The following MTERF3 variants were observed in gnomAD, a reference collection of about 807,000 sequenced individuals.
MTERF3 encodes mitochondrial transcription termination factor 3.
A neutral mutation model predicts 40.5 loss-of-function variants in MTERF3; 40 were observed. That is an observed-to-expected ratio of 0.99 (90% CI 0.77 to 1.29). MTERF3 has a LOEUF of 1.29. MTERF3 is among the 50% of genes most tolerant of loss of function. The probability of loss-of-function intolerance (pLI) is 0.00; values close to 1 mark genes in which losing one functional copy is unlikely to be tolerated. For synonymous variants in MTERF3, 158 were observed against 166.6 expected, an observed-to-expected ratio of 0.95 and a Z score of 0.40; for missense variants, 452 against 478.2, an observed-to-expected ratio of 0.95 and a Z score of 0.51.
At position 96,256,796 on chromosome 8, in the gene MTERF3, C is replaced by G. The variant is rs150725623; in HGVS notation, c.487+166G>C. On this transcript the variant is annotated intron_variant, in intron 3 of 7. Coordinates refer to ENST00000287025, the MANE Select transcript of MTERF3 (RefSeq NM_015942.5). ...ATCTGGGGAATAGGATGCAAGATCA[C>G]CAAGGATGAGGCAGGGAATACGGTT... 4.8e-3 allele frequency among the ~76,000 whole-genome samples: 733 copies of G among 152,234 alleles called. 3 individuals carry two copies. The highest frequency in any genetic ancestry group is 0.014 in the African/African-American group (588 of 41,526).
rs1480885586 is a variant in MTERF3 at position 96,259,910 on chromosome 8, A to ATTTTTTTT, written c.-10-1211_-10-1210insAAAAAAAA. ...GCAATTATTTATTATTATTATTATTATTATTTTTTTTGAGACGGAGTTTCG... is the reference window on the plus strand; with the variant it reads ...GCAATTATTTATTATTATTATTATTATTTTTTTTTTATTTTTTTTGAGACGGAGTTTCG... On this transcript the variant is annotated intron_variant, in intron 1 of 7. Coordinates refer to ENST00000287025, the MANE Select transcript of MTERF3 (RefSeq NM_015942.5). Among the ~76,000 whole-genome samples, 528 of 149,398 alleles carry ATTTTTTTT rather than the reference A, an allele frequency of 3.5e-3. 2 individuals carry two copies. Among genetic ancestry groups the ATTTTTTTT allele is most frequent in the African/African-American group, 0.01 (408 of 40,748 alleles).
In MTERF3 at chr8:96,244,005, C is replaced by A. The variant is rs755124734; in HGVS notation, c.973G>T (p.Ala325Ser). The part of the protein sequence containing the change: ...MITRIPKMLT[A>S]NKMKLTETFD... ...GTCTCGGTAAGTTTCATTTTATTTG[C>A]AGTTAACATCTTTGGGATTCTGGTG... Residue 325 changes from alanine to serine, a missense_variant, in exon 7 of 8, where the codon GCA becomes TCA. Coordinates refer to ENST00000287025, the MANE Select transcript of MTERF3 (RefSeq NM_015942.5). 6.2e-7 allele frequency: 1 copy of A among 1,613,878 alleles called. No homozygotes were observed. The highest frequency in any genetic ancestry group is 1.1e-5 in the South Asian group (1 of 91,064).
Position 96,250,908 on chromosome 8 carries a change from G to A in MTERF3, c.675C>T (p.Thr225=). ...GAGAATCCTTTTAAAAGTCCTACCT[G>A]GTCTTCAGATTTTCAAGGTCTTCAG... ...IFSEDLENLK[T]RVAYLHSKNF... is the part of the protein sequence containing the mutation. The change falls in exon 4 of 8, where the codon ACC becomes ACT. Residue 225 remains threonine, a splice_region_variant and synonymous_variant. Coordinates refer to ENST00000287025, the MANE Select transcript of MTERF3 (RefSeq NM_015942.5). 1.2e-6 allele frequency: 2 copies of A among 1,602,680 alleles called. No homozygotes were observed. The highest frequency in any genetic ancestry group is 1.7e-6 in the Non-Finnish European group (2 of 1,177,350).
rs749856275 is a variant in MTERF3 at position 96,258,599 on chromosome 8, G to A, written c.92C>T (p.Thr31Ile). Residue 31 changes from threonine to isoleucine, a missense_variant, in exon 2 of 8, where the codon ACT becomes ATT. Thr to Ile is a moderately conservative substitution (Grantham distance 89). Coordinates refer to ENST00000287025, the MANE Select transcript of MTERF3 (RefSeq NM_015942.5). The stretch of plus-strand genomic sequence containing the variant: ...ATGTAACAGTGTTCTTGCTGGTCTA[G>A]TAAAACGTTTTGTGAGTTGTGCAGC... ...INAAQLTKRF[T>I]RPARTLLHGF... 5 of 1,614,136 alleles carry A rather than the reference G, an allele frequency of 3.1e-6. No homozygotes were observed. The highest frequency in any genetic ancestry group is 4.2e-6 in the Non-Finnish European group (5 of 1,179,990).
At chr8:96,248,879 C>T (rs891141541) in intron 4 of MTERF3, among the ~76,000 whole-genome samples, 1 of 152,120 alleles carries the variant, frequency 6.6e-6, no homozygotes, top group Non-Finnish European at 1.5e-5. Flanking sequence ...AAACAAAGTT[C>T]ATTTAAATAA....
At chr8:96,250,867 ACTT>A (rs1455475142) in intron 4 of MTERF3, 36 bp downstream of exon 4, 1 of 1,531,134 alleles carries the variant, frequency 6.5e-7, no homozygotes, top group South Asian at 1.2e-5. Flanking sequence ...CTTCATAACC[ACTT>A]CTTAGGTTAT....
intron 4 of MTERF3, 132 bp from the exon 5 acceptor site, chr8:96,246,586 T>A: frequency 1.4e-6 from 1 of 716,788 alleles, no homozygotes; most frequent in Non-Finnish European, 2.1e-6. Context: ...ACTAACTAAA[T>A]AAAAGCATTC....
chr8:96,245,476 C>G (rs1166530794), intron 6 of MTERF3, among the ~76,000 whole-genome samples: 1 of 152,190 alleles, frequency 6.6e-6, no homozygotes, highest in African/African-American at 2.4e-5. Context: ...CTCCCTGAGA[C>G]ATACACAGAC....
At chr8:96,260,266 G>C (rs1810357980) in intron 1 of MTERF3, 1 of 152,168 alleles carries the variant, frequency 6.6e-6, no homozygotes, top group Admixed American at 6.5e-5. Context: ...GGTGGTTTCT[G>C]TTAGATTTTG....
At chr8:96,260,969 G>A (rs890434250) in intron 1 of MTERF3, among the ~76,000 whole-genome samples, 23 of 152,344 alleles carry the variant, frequency 1.5e-4, no homozygotes, top group African/African-American at 2.6e-4. Context: ...ATGTGCAGAT[G>A]TGTATAAAAG....
At position 96,258,421 on chromosome 8, in the gene MTERF3, G is replaced by A. The variant is rs778651658; in HGVS notation, c.270C>T (p.Ser90=). Reference sequence around the variant, plus strand: ...GTGTCTTCTGTGACTGTTCATTCATGGAAGGAAGCAGACTGCTTTGGGCAG... The same window carrying A: ...GTGTCTTCTGTGACTGTTCATTCATAGAAGGAAGCAGACTGCTTTGGGCAG... ...NNSAQSSLLP[S]MNEQSQKTQN... The change falls in exon 2 of 8, where the codon TCC becomes TCT. Residue 90 remains serine, a synonymous_variant. Coordinates refer to ENST00000287025, the MANE Select transcript of MTERF3 (RefSeq NM_015942.5). 6.2e-7 allele frequency: 1 copy of A among 1,614,102 alleles called. No individual in the cohort carries two copies. The highest frequency in any genetic ancestry group is 1.7e-5 in the Admixed American group (1 of 60,032).
intron 3 of MTERF3, among the ~76,000 whole-genome samples, chr8:96,253,463 C>G (rs1375851378): frequency 2.0e-5 from 3 of 152,044 alleles, no homozygotes; most frequent in African/African-American, 7.2e-5. Flanking sequence ...AGCCAGCTGG[C>G]ATAGGAGCCC....
At chr8:96,255,835 G>C (rs915253675) in intron 3 of MTERF3, among the ~76,000 whole-genome samples, 2 of 152,116 alleles carry the variant, frequency 1.3e-5, no homozygotes, top group Non-Finnish European at 2.9e-5. Flanking sequence ...TGAAAGCATG[G>C]CAACAGCCTT....
At chr8:96,254,745 A>T (rs1586171867) in intron 3 of MTERF3, among the ~76,000 whole-genome samples, 1 of 152,326 alleles carries the variant, frequency 6.6e-6, no homozygotes, top group African/African-American at 2.4e-5. Flanking sequence ...TTATTCTTAT[A>T]TATTTAGATG....
In MTERF3 at chr8:96,251,085, C is replaced by G; in HGVS notation, c.498G>C (p.Leu166Phe). 1 of 1,579,008 alleles carries G rather than the reference C, an allele frequency of 6.3e-7. No individual in the cohort carries two copies. The highest frequency in any genetic ancestry group is 8.5e-7 in the Non-Finnish European group (1 of 1,171,298). Reference protein sequence around the residue: ...LQKLVLLGVDLSKIEKHPEAA... With the variant: ...LQKLVLLGVDFSKIEKHPEAA... ...CTTCTGGATGTTTTTCTATCTTGGA[C>G]AAATCCACGCCTATAATAAATTATA... Residue 166 changes from leucine (L) to phenylalanine (F), a missense_variant, in exon 4 of 8, where the codon TTG (leucine) becomes TTC (phenylalanine). Transcript: ENST00000287025.
intron 2 of MTERF3, 133 bp downstream of exon 2, chr8:96,258,224 A>G: frequency 7.2e-7 from 1 of 1,384,422 alleles, no homozygotes; most frequent in Non-Finnish European, 9.4e-7. Flanking sequence ...AAGTTCATCA[A>G]TAGAACTGGT....
intron 4 of MTERF3, among the ~76,000 whole-genome samples, chr8:96,250,207 A>C (rs1466343748): frequency 6.6e-6 from 1 of 152,140 alleles, no homozygotes; most frequent in Non-Finnish European, 1.5e-5. Context: ...CAAATTATAC[A>C]GTAATTTGCC....
At chr8:96,255,510 G>A (rs567313810) in intron 3 of MTERF3, among the ~76,000 whole-genome samples, 265 of 152,090 alleles carry the variant, frequency 1.7e-3, no homozygotes, top group Non-Finnish European at 3.0e-3. Flanking sequence ...ATGGTGGCAC[G>A]TGCTTGTAAT....
rs1563549469 is a variant in MTERF3 at position 96,250,970 on chromosome 8, G to A, written c.613C>T (p.Leu205=). The A allele has an allele frequency of 1.2e-6, 2 of 1,607,628 alleles. No individual in the cohort carries two copies. Among genetic ancestry groups the A allele is most frequent in the Admixed American group, 3.4e-5 (2 of 58,188 alleles). The change falls in exon 4 of 8, where the codon CTG becomes TTG. Residue 205 remains leucine, a synonymous_variant. Transcript: ENST00000287025. ...TGATTTTTTGTCAGGAATGCTCCCA[G>A]TTGGTTATCCTCTATACCCACATCT... ...LKDVGIEDNQ[L]GAFLTKNHAI...
Sources: allele counts gnomAD v4.1 joint callset (sites outside exome capture counted in the v4.1 genomes callset), GRCh38; gene constraint gnomAD v4.1.1; transcripts MANE v1.5; gene names NCBI Gene and HGNC (gene_info 2026-07-23, HGNC 2026-07-21).